Variants in TLK1 observed in about 807,000 individuals in gnomAD.
The protein encoded by TLK1 is tousled like kinase 1, also known as serine/threonine-protein kinase tousled-like 1.
In TLK1, 24 loss-of-function variants were observed where a neutral mutation model predicts 105.3. That is an observed-to-expected ratio of 0.23 (90% CI 0.17 to 0.32). The LOEUF (loss-of-function observed/expected upper bound fraction) is 0.32. TLK1 is among the 10% of genes least tolerant of loss of function. TLK1 has a pLI of 1.00. For missense variants in TLK1, 558 were observed against 910.5 expected (o/e 0.61, Z 4.98); for synonymous variants, 321 against 310.4 (o/e 1.03, Z -0.36).
intron 1 of TLK1, among the ~76,000 whole-genome samples, chr2:171,191,500 G>C (rs1033054954): frequency 1.3e-5 from 2 of 152,054 alleles, no homozygotes; most frequent in Non-Finnish European, 2.9e-5. Flanking sequence ...GATTGGTTGC[G>C]CCCAGGAGTC....
chr2:171,033,954 A>G (rs1237329541), intron 11 of TLK1, among the ~76,000 whole-genome samples: 1 of 151,670 alleles, frequency 6.6e-6, no homozygotes, highest in Non-Finnish European at 1.5e-5. Context: ...AAAAATGAGC[A>G]AAAGACTTGA....
rs370038078 is a variant in TLK1, at chr2:171,059,977, T to C, written c.406+1104A>G. ...GGCCAAGGACTGGAAGACCGGGAGGTTGGGGAACCCTGCAGAAGATGAGAG... is the reference window on the plus strand; with the variant it reads ...GGCCAAGGACTGGAAGACCGGGAGGCTGGGGAACCCTGCAGAAGATGAGAG... On this transcript the variant is annotated intron_variant, in intron 4 of 20. Coordinates refer to ENST00000431350, the MANE Select transcript of TLK1 (RefSeq NM_012290.5). The C allele has an allele frequency of 2.7e-5, 43 of 1,612,132 alleles. 1 individual carries two copies. The Middle Eastern group carries it at 6.6e-4, about 25-fold the overall frequency.
At chr2:171,056,985 C>A (rs1362901736) in intron 5 of TLK1, among the ~76,000 whole-genome samples, 2 of 151,970 alleles carry the variant, frequency 1.3e-5, no homozygotes, top group Non-Finnish European at 2.9e-5. Flanking sequence ...ACATAATCAA[C>A]TATTTTAAAC....
At chr2:171,201,141 C>T (rs1320140923) in intron 1 of TLK1, among the ~76,000 whole-genome samples, 1 of 152,108 alleles carries the variant, frequency 6.6e-6, no homozygotes, top group East Asian at 1.9e-4. Flanking sequence ...ACCTCAGCCT[C>T]CCAAAGTGCT....
At chr2:170,999,741 G>A (rs1200317050) in intron 18 of TLK1, among the ~76,000 whole-genome samples, 2 of 152,116 alleles carry the variant, frequency 1.3e-5, no homozygotes, top group Non-Finnish European at 2.9e-5. Flanking sequence ...CCATGCAGTT[G>A]AGAATCCATG....
At chr2:171,112,578 C>T (rs1016622787) in intron 2 of TLK1, among the ~76,000 whole-genome samples, 1 of 152,080 alleles carries the variant, frequency 6.6e-6, no homozygotes, top group Admixed American at 6.6e-5. Flanking sequence ...CAAGACACAG[C>T]ATTCAAGGTC....
intron 2 of TLK1, among the ~76,000 whole-genome samples, chr2:171,102,171 TTTC>T (rs1339259318): frequency 6.6e-6 from 1 of 152,202 alleles, no homozygotes; most frequent in South Asian, 2.1e-4. Context: ...CATTCCTTTT[TTTC>T]TTTACTTCCT....
intron 1 of TLK1, among the ~76,000 whole-genome samples, chr2:171,126,369 C>T (rs1690868371): frequency 6.6e-6 from 1 of 152,132 alleles, no homozygotes; most frequent in South Asian, 2.1e-4. Flanking sequence ...CACACACTCT[C>T]ATAAACTCAA....
intron 2 of TLK1, among the ~76,000 whole-genome samples, chr2:171,088,928 A>T (rs902403373): frequency 1.3e-5 from 2 of 152,244 alleles, no homozygotes; most frequent in African/African-American, 4.8e-5. Flanking sequence ...CAGACACAAA[A>T]GTCTCCCTGA....
At chr2:171,123,448 C>A (rs1471127782) in intron 1 of TLK1, among the ~76,000 whole-genome samples, 1 of 152,120 alleles carries the variant, frequency 6.6e-6, no homozygotes, top group African/African-American at 2.4e-5. Flanking sequence ...AGTGATCAGC[C>A]CACCTGTGCC....
chr2:171,177,654 T>C (rs1692854723), intron 1 of TLK1, among the ~76,000 whole-genome samples: 1 of 152,214 alleles, frequency 6.6e-6, no homozygotes, highest in Admixed American at 6.5e-5. Flanking sequence ...AACAAAGTGA[T>C]AGAAGTACAG....
chr2:171,070,859 T>C (rs1019774386), intron 3 of TLK1, among the ~76,000 whole-genome samples: 6 of 152,240 alleles, frequency 3.9e-5, no homozygotes, highest in African/African-American at 1.4e-4. Context: ...CTGTTCTTCA[T>C]AGTGGTTGTA....
chr2:170,996,055 C>T (rs904287664), intron 20 of TLK1, among the ~76,000 whole-genome samples: 9 of 151,564 alleles, frequency 5.9e-5, no homozygotes, highest in African/African-American at 1.7e-4. Context: ...TTGAGTGCAG[C>T]GGTATCGTCA....
At chr2:171,016,937 G>A (rs1056913176) in intron 12 of TLK1, among the ~76,000 whole-genome samples, 1 of 152,088 alleles carries the variant, frequency 6.6e-6, no homozygotes, top group Non-Finnish European at 1.5e-5. Flanking sequence ...CTTTCTACAA[G>A]TATTGGGAGA....
intron 15 of TLK1, 33 bp from the exon 16 acceptor site, chr2:171,006,922 T>C: frequency 6.2e-7 from 1 of 1,604,726 alleles, no homozygotes; most frequent in African/African-American, 1.3e-5. Flanking sequence ...TTCTCCATGA[T>C]CATTCAAAAA....
intron 8 of TLK1, among the ~76,000 whole-genome samples, chr2:171,050,742 A>G (rs1687199185): frequency 6.6e-6 from 1 of 152,230 alleles, no homozygotes; most frequent in Admixed American, 6.5e-5. Flanking sequence ...GTAGGTGGCC[A>G]TATGCTCAGA....
upstream of TLK1, among the ~76,000 whole-genome samples, chr2:171,163,769 AGGCT>A (rs1210553640): frequency 6.6e-6 from 1 of 151,750 alleles, no homozygotes; most frequent in Non-Finnish European, 1.5e-5. Flanking sequence ...ATTGTCACCC[AGGCT>A]GGAGTGCAGT....
intron 1 of TLK1, among the ~76,000 whole-genome samples, chr2:171,204,008 C>T (rs1290028779): frequency 7.9e-5 from 12 of 151,844 alleles, no homozygotes; most frequent in Admixed American, 7.9e-4. Flanking sequence ...GAGCTGAAAT[C>T]ACGCCACTGT....
chr2:171,175,931 T>C (rs1466953007), intron 1 of TLK1, among the ~76,000 whole-genome samples: 3 of 151,504 alleles, frequency 2.0e-5, no homozygotes, highest in Admixed American at 2.0e-4. Context: ...TTTTTTTTTG[T>C]TTTTGTTTTT....
Sources: allele counts gnomAD v4.1 joint callset (sites outside exome capture counted in the v4.1 genomes callset), GRCh38; gene constraint gnomAD v4.1.1; transcripts MANE v1.5; gene names NCBI Gene and HGNC (gene_info 2026-07-23, HGNC 2026-07-21).